The following ADAMTS18 variants were observed in gnomAD, a reference collection of about 807,000 sequenced individuals.
ADAMTS18 encodes the protein A disintegrin and metalloproteinase with thrombospondin motifs 18.
ADAMTS18 carries 157 observed loss-of-function variants against 165.9 expected under a neutral mutation model. The ratio of observed to expected loss-of-function variants is 0.95; its 90% CI spans 0.83 to 1.08. The LOEUF (loss-of-function observed/expected upper bound fraction) is 1.08. Among genes scored for constraint, ADAMTS18 ranks in the 50% least tolerant of loss-of-function variants. The pLI, the probability that ADAMTS18 is intolerant of heterozygous loss-of-function variation, is 0.00. For synonymous variants in ADAMTS18, 782 were observed against 578.2 expected, an observed-to-expected ratio of 1.35 and a Z score of -5.06; for missense variants, 2,040 against 1,534.0, an observed-to-expected ratio of 1.33 and a Z score of -5.51.
intron 12 of ADAMTS18, among the ~76,000 whole-genome samples, chr16:77,333,981 T>TGCTATATATAATATACAGTGCAATATAA: frequency 7.0e-6 from 1 of 143,352 alleles, no homozygotes; most frequent in East Asian, 2.0e-4. Flanking sequence ...GTGTCATATA[T>TGCTATATATAATATACAGTGCAATATAA]GCTATATATA....
intron 18 of ADAMTS18, among the ~76,000 whole-genome samples, chr16:77,296,422 T>C (rs142599265): frequency 1.7e-3 from 266 of 152,302 alleles, no homozygotes; most frequent in African/African-American, 5.8e-3. Context: ...TTATGATTTT[T>C]AAATTCTTGG....
intron 4 of ADAMTS18, among the ~76,000 whole-genome samples, chr16:77,365,981 T>A (rs78651435): frequency 0.086 from 13,027 of 152,284 alleles, 755 homozygotes; most frequent in East Asian, 0.25. Context: ...ACTATAAACA[T>A]CATTACTATC....
At chr16:77,368,967 GTCTT>G (rs1365294358) in intron 3 of ADAMTS18, among the ~76,000 whole-genome samples, 2 of 152,178 alleles carry the variant, frequency 1.3e-5, no homozygotes, top group African/African-American at 4.8e-5. Context: ...ATGCACCCTT[GTCTT>G]TCTTTCAGCA....
chr16:77,406,604 A>G (rs1316353812), intron 3 of ADAMTS18, among the ~76,000 whole-genome samples: 1 of 152,118 alleles, frequency 6.6e-6, no homozygotes, highest in African/African-American at 2.4e-5. Context: ...TTATAACATT[A>G]CCAGGTATAT....
intron 4 of ADAMTS18, among the ~76,000 whole-genome samples, chr16:77,367,079 C>G (rs1209628967): frequency 1.3e-5 from 2 of 152,148 alleles, no homozygotes; most frequent in African/African-American, 4.8e-5. Context: ...TTCTGGAAGT[C>G]TCTCCTTTGT....
chr16:77,397,212 A>G lies in ADAMTS18; in HGVS notation c.496-29489T>C, dbSNP rs565841040. 7.2e-4 allele frequency among the ~76,000 whole-genome samples: 109 copies of G among 152,304 alleles called. 1 individual carries two copies. Among genetic ancestry groups the G allele is most frequent in the Middle Eastern group, 3.4e-3 (1 of 294 alleles). On this transcript the variant is annotated intron_variant, in intron 3 of 22. Transcript: ENST00000282849. ...TTTAGAATCTAAGTTAGACATGGGAAAGAAGAAAAATCAACTGTGTAGAAA... is the reference window on the plus strand; with the variant it reads ...TTTAGAATCTAAGTTAGACATGGGAGAGAAGAAAAATCAACTGTGTAGAAA...
chr16:77,419,153 G>GT (rs2057568299), intron 3 of ADAMTS18, among the ~76,000 whole-genome samples: 5 of 94,452 alleles, frequency 5.3e-5, no homozygotes, highest in Admixed American at 4.9e-4. Flanking sequence ...CATCTCAGGG[G>GT]GAAAAAAAAT....
At chr16:77,425,647 C>G (rs969358107) in intron 3 of ADAMTS18, among the ~76,000 whole-genome samples, 1 of 152,192 alleles carries the variant, frequency 6.6e-6, no homozygotes. Flanking sequence ...AACACATGTC[C>G]AGGTACAAGT....
intron 11 of ADAMTS18, among the ~76,000 whole-genome samples, chr16:77,341,438 C>A (rs1191341841): frequency 6.6e-6 from 1 of 151,780 alleles, no homozygotes; most frequent in African/African-American, 2.4e-5. Flanking sequence ...AACCTGTAAG[C>A]TCATTGAAAT....
chr16:77,306,523 G>T (rs2055684775), intron 16 of ADAMTS18, among the ~76,000 whole-genome samples: 1 of 152,078 alleles, frequency 6.6e-6, no homozygotes, highest in Non-Finnish European at 1.5e-5. Flanking sequence ...AATTCCTTCA[G>T]TCAGCTTTGT....
chr16:77,392,390 G>A (rs1021372579), intron 3 of ADAMTS18, among the ~76,000 whole-genome samples: 7 of 152,114 alleles, frequency 4.6e-5, no homozygotes, highest in African/African-American at 1.7e-4. Context: ...TGGTGCTCCA[G>A]TGTGGAGCAT....
intron 12 of ADAMTS18, among the ~76,000 whole-genome samples, chr16:77,334,407 A>G (rs1213283321): frequency 2.7e-5 from 3 of 111,628 alleles, no homozygotes; most frequent in Non-Finnish European, 4.9e-5. Context: ...TGTATATTAT[A>G]GTATATATTA....
rs2055363436 is a variant in ADAMTS18, at chr16:77,291,466, A to G, written c.3202T>C (p.Cys1068Arg). Residue 1068 changes from cysteine to arginine, a missense_variant, in exon 21 of 23, where the codon TGT becomes CGT. Physicochemically the swap from Cys to Arg is radical, Grantham distance 180 (BLOSUM62 -3). Coordinates refer to ENST00000282849, the MANE Select transcript of ADAMTS18 (RefSeq NM_199355.4). ...TCCCTCTTCCTCACACCCAAACCAC[A>G]GGTTGCAGAACACTAGGAGCCAAGA... ...ASSWSECSAT[C>R]GLGVRKREMK... 7 of 1,614,142 alleles carry G rather than the reference A, an allele frequency of 4.3e-6. No homozygotes were observed. The highest frequency in any genetic ancestry group is 5.9e-6 in the Non-Finnish European group (7 of 1,180,004).
At chr16:77,375,915 T>C (rs926983871) in intron 3 of ADAMTS18, among the ~76,000 whole-genome samples, 1 of 63,210 alleles carries the variant, frequency 1.6e-5, no homozygotes, top group Non-Finnish European at 3.4e-5. Flanking sequence ...TTTTTTTTTT[T>C]TTTTTGAGAC....
chr16:77,351,608 T>C (rs746819028), intron 10 of ADAMTS18, among the ~76,000 whole-genome samples: 2 of 152,234 alleles, frequency 1.3e-5, no homozygotes, highest in Non-Finnish European at 2.9e-5. Flanking sequence ...AATAACATAA[T>C]GAATCCTTTA....
At chr16:77,332,424 G>A in intron 12 of ADAMTS18, among the ~76,000 whole-genome samples, 1 of 152,058 alleles carries the variant, frequency 6.6e-6, no homozygotes, top group East Asian at 1.9e-4. Flanking sequence ...AGAACCTTTT[G>A]GTGAATGCCC....
At chr16:77,422,656 G>A (rs556165186) in intron 3 of ADAMTS18, among the ~76,000 whole-genome samples, 2 of 151,632 alleles carry the variant, frequency 1.3e-5, no homozygotes, top group Admixed American at 6.6e-5. Context: ...AGAAAGGAGG[G>A]AGGGATAGAG....
intron 4 of ADAMTS18, 116 bp downstream of exon 4, chr16:77,367,325 G>T: frequency 1.7e-6 from 2 of 1,150,438 alleles, no homozygotes; most frequent in East Asian, 2.4e-5. Flanking sequence ...CCTACACCAA[G>T]ACAGATGCTC....
At chr16:77,295,154 A>G (rs1344282491) in intron 18 of ADAMTS18, 27 bp from the exon 19 acceptor site, 1 of 1,613,160 alleles carries the variant, frequency 6.2e-7, no homozygotes. Context: ...AACATTACCA[A>G]TGAAGCCAAA....
Sources: gnomAD v4.1 joint callset for allele counts (sites outside exome capture counted in the v4.1 genomes callset) on GRCh38, gnomAD v4.1.1 for gene constraint, MANE v1.5 for transcripts, NCBI Gene and HGNC (gene_info 2026-07-23, HGNC 2026-07-21) for gene names.